MMP26: variants seen among roughly 807,000 people sequenced by gnomAD.
MMP26 encodes matrix metalloproteinase-26.
MMP26 carries 33 observed loss-of-function variants against 31.0 expected under a neutral mutation model. That is an observed-to-expected ratio of 1.06 (90% CI 0.81 to 1.42). MMP26 has a LOEUF of 1.42. Among genes scored for constraint, MMP26 ranks in the 40% most tolerant of loss-of-function variants. The pLI is 0.00. For missense variants in MMP26, 347 were observed against 316.1 expected, an observed-to-expected ratio of 1.10 and a Z score of -0.74; for synonymous variants, 122 against 114.9, an observed-to-expected ratio of 1.06 and a Z score of -0.40.
At chr11:4,838,920 C>A (rs35268529) in intron 2 of MMP26, among the ~76,000 whole-genome samples, 1 of 152,062 alleles carries the variant, frequency 6.6e-6, no homozygotes, top group Non-Finnish European at 1.5e-5. Context: ...CTTGAATCGC[C>A]GATGCCGCGC....
chr11:4,819,134 T>C (rs771560762), intron 2 of MMP26, among the ~76,000 whole-genome samples: 2 of 152,140 alleles, frequency 1.3e-5, no homozygotes, highest in Non-Finnish European at 2.9e-5. Flanking sequence ...AAATAATCAA[T>C]TTGGTTTTGA....
chr11:4,924,091 C>T, intron 2 of MMP26: 1 of 1,614,104 alleles, frequency 6.2e-7, no homozygotes, highest in Non-Finnish European at 8.5e-7. Flanking sequence ...AAATGCCCAG[C>T]ACAGTGGGCA....
chr11:4,939,096 C>T (rs1846171389), intron 2 of MMP26, among the ~76,000 whole-genome samples: 1 of 152,096 alleles, frequency 6.6e-6, no homozygotes, highest in African/African-American at 2.4e-5. Flanking sequence ...AATCTAGTCC[C>T]ATTCACACAA....
intron 1 of MMP26, among the ~76,000 whole-genome samples, chr11:4,707,683 TA>T (rs1165205421): frequency 2.6e-5 from 4 of 152,224 alleles, no homozygotes; most frequent in Admixed American, 2.6e-4. Context: ...AATATGTTTT[TA>T]TGATTGCATG....
intron 1 of MMP26, among the ~76,000 whole-genome samples, chr11:4,764,215 C>A (rs1020061366): frequency 1.3e-5 from 2 of 152,150 alleles, no homozygotes; most frequent in Non-Finnish European, 2.9e-5. Context: ...TTGCCTTAAG[C>A]AGTTTTGCTA....
chr11:4,706,148 A>T (rs1847774057), intron 1 of MMP26, among the ~76,000 whole-genome samples: 1 of 152,224 alleles, frequency 6.6e-6, no homozygotes, highest in African/African-American at 2.4e-5. Context: ...ATTGTTTGGC[A>T]CGTAGAAGGC....
At chr11:4,849,080 G>T (rs1849933886) in intron 2 of MMP26, 1 of 1,613,964 alleles carries the variant, frequency 6.2e-7, no homozygotes, top group African/African-American at 1.3e-5. Flanking sequence ...CAGAGAGAAG[G>T]TAGACAGCAA....
intron 2 of MMP26, among the ~76,000 whole-genome samples, chr11:4,785,519 T>A (rs1369731121): frequency 6.6e-6 from 1 of 152,164 alleles, no homozygotes; most frequent in Non-Finnish European, 1.5e-5. Flanking sequence ...TTAGTGGGTA[T>A]TTCTCATGCC....
At chr11:4,977,734 G>A (rs1213463149) in intron 2 of MMP26, among the ~76,000 whole-genome samples, 1 of 152,026 alleles carries the variant, frequency 6.6e-6, no homozygotes, top group Non-Finnish European at 1.5e-5. Flanking sequence ...TTAGTGGGAT[G>A]ACTCAAAGTC....
chr11:4,819,827 G>A (rs926192197), intron 2 of MMP26, among the ~76,000 whole-genome samples: 1 of 151,808 alleles, frequency 6.6e-6, no homozygotes, highest in East Asian at 1.9e-4. Context: ...TGATCCTCCC[G>A]CCTCGACCTC....
chr11:4,710,332 T>C, intron 1 of MMP26: 1 of 456,872 alleles, frequency 2.2e-6, no homozygotes, highest in Non-Finnish European at 4.4e-6. Context: ...ATCTTCTACA[T>C]CCCCATGATC....
rs572743445 is a variant in MMP26 at position 4,926,432 on chromosome 11, GA to G, written c.-144-61633del. ...AGAAAATGGCAACATATTTTAATAA[GA>G]AATAGCAATAAAGAAGAGAAAATTT... On this transcript the variant is annotated intron_variant, in intron 2 of 7. Coordinates refer to ENST00000380390, the MANE Select transcript of MMP26 (RefSeq NM_021801.5). Among the ~76,000 whole-genome samples the G allele has an allele frequency of 1.6e-4, 24 of 152,236 alleles. No individual in the cohort carries two copies. In the East Asian group the frequency reaches 4.6e-3, roughly 29 times the overall value.
chr11:4,821,505 G>A (rs754210463), intron 2 of MMP26: 1 of 1,612,124 alleles, frequency 6.2e-7, no homozygotes, highest in Non-Finnish European at 8.5e-7. Context: ...CCCAGTACTG[G>A]ATCTCCATCC....
At chr11:4,740,788 T>C (rs1371539798) in intron 1 of MMP26, among the ~76,000 whole-genome samples, 1 of 152,158 alleles carries the variant, frequency 6.6e-6, no homozygotes, top group Non-Finnish European at 1.5e-5. Context: ...TAGAGTCATG[T>C]AGAGTCCTAG....
chr11:4,760,709 T>G (rs75488286), intron 1 of MMP26, among the ~76,000 whole-genome samples: 7 of 152,156 alleles, frequency 4.6e-5, no homozygotes, highest in African/African-American at 1.7e-4. Flanking sequence ...CCAGGACTGT[T>G]TGACCCAAAA....
intron 2 of MMP26, among the ~76,000 whole-genome samples, chr11:4,980,319 C>T (rs1206887776): frequency 6.6e-6 from 1 of 151,958 alleles, no homozygotes; most frequent in Admixed American, 6.6e-5. Flanking sequence ...TACCTCCTTT[C>T]GAAACCAGTG....
rs187810387 is a variant in MMP26 at position 4,882,638 on chromosome 11, A to G, written c.-144-105430A>G. 8.7e-6 allele frequency: 14 copies of G among 1,613,888 alleles called. No homozygotes were observed. The highest frequency in any genetic ancestry group is 1.7e-4 in the Middle Eastern group (1 of 6,056). ...AGCTCTCAGCACTTGTGTCTGTCAC[A>G]TCTGTGCAGTCACTATTTTCTATGT... On this transcript the variant is annotated intron_variant, in intron 2 of 7. Transcript: ENST00000380390.
At chr11:4,794,285 C>G (rs183858522) in intron 2 of MMP26, 2 of 152,150 alleles carry the variant, frequency 1.3e-5, no homozygotes, top group Admixed American at 6.6e-5. Flanking sequence ...ACTCACCTGT[C>G]CAAACCCAAA....
At position 4,784,210 on chromosome 11, in the gene MMP26, G is replaced by C. The variant is rs934558569; in HGVS notation, c.-145+16869G>C. ...GTTGTTGGCCAGCATTTCAGCTGGG[G>C]CAGTGATCAGAACACATACATGTGG... is the stretch of plus-strand genomic sequence containing the variant. On this transcript the variant is annotated intron_variant, in intron 2 of 7. Transcript: ENST00000380390. 2.2e-4 allele frequency among the ~76,000 whole-genome samples: 33 copies of C among 152,282 alleles called. 1 individual carries two copies. The highest frequency in any genetic ancestry group is 7.2e-4 in the African/African-American group (30 of 41,554).
Sources: gnomAD v4.1 joint callset for allele counts (sites outside exome capture counted in the v4.1 genomes callset) on GRCh38, gnomAD v4.1.1 for gene constraint, MANE v1.5 for transcripts, NCBI Gene and HGNC (gene_info 2026-07-23, HGNC 2026-07-21) for gene names.